Variants in MPHOSPH9 observed in about 807,000 individuals in gnomAD.
MPHOSPH9 encodes M-phase phosphoprotein 9.
MPHOSPH9 carries 88 observed loss-of-function variants against 145.5 expected under a neutral mutation model. The observed-to-expected ratio is 0.60, with a 90% CI of 0.51 to 0.72. MPHOSPH9 has a LOEUF of 0.72. Ranked by LOEUF, MPHOSPH9 falls within the 30% of genes least tolerant of loss-of-function variation. The pLI is 0.00. For missense variants in MPHOSPH9, 1,238 were observed against 1,386.6 expected, an observed-to-expected ratio of 0.89 and a Z score of 1.70; for synonymous variants, 435 against 486.2, an observed-to-expected ratio of 0.89 and a Z score of 1.39.
At chr12:123,239,692 G>A (rs1211244074) in intron 1 of MPHOSPH9, among the ~76,000 whole-genome samples, 1 of 152,122 alleles carries the variant, frequency 6.6e-6, no homozygotes, top group East Asian at 1.9e-4. Flanking sequence ...GTGAGCTACC[G>A]CGCCCAGCCC....
chr12:123,217,020 TAAAAG>T (rs1409485827), intron 6 of MPHOSPH9, among the ~76,000 whole-genome samples: 1 of 133,520 alleles, frequency 7.5e-6, no homozygotes, highest in African/African-American at 2.5e-5. Context: ...AATAAATAAA[TAAAAG>T]AAATGTTTAA....
rs374165187 is a variant in MPHOSPH9 at position 123,213,787 on chromosome 12, GAAC to G, written c.1087+954_1087+956del. Among the ~76,000 whole-genome samples, 960 of 152,308 alleles carry G rather than the reference GAAC, an allele frequency of 6.3e-3. 8 individuals carry two copies. The highest frequency in any genetic ancestry group is 0.022 in the African/African-American group (908 of 41,584). On this transcript the variant is annotated intron_variant, in intron 7 of 23. Coordinates refer to ENST00000606320, the MANE Select transcript of MPHOSPH9 (RefSeq NM_022782.4). ...CTGTGGGCCCCTGTAAGGACTCTGT[GAAC>G]AACAGGGTTTGGAGAGGAGGAGTCA...
intron 16 of MPHOSPH9, 52 bp from the exon 17 acceptor site, chr12:123,166,841 A>G: frequency 6.4e-7 from 1 of 1,571,062 alleles, no homozygotes; most frequent in Non-Finnish European, 8.6e-7. Flanking sequence ...TTCATTTCAG[A>G]CTGCATGTGC....
intron 15 of MPHOSPH9, 31 bp from the exon 16 acceptor site, chr12:123,176,820 T>C: frequency 1.3e-6 from 2 of 1,512,606 alleles, no homozygotes; most frequent in Non-Finnish European, 1.8e-6. Context: ...ATAAATTAAG[T>C]ACATTTCAAC....
At chr12:123,153,485 G>A (rs2137803409), downstream of MPHOSPH9, 1 of 152,274 alleles carries the variant, frequency 6.6e-6, no homozygotes, top group East Asian at 1.9e-4. Flanking sequence ...GCTACCTCAA[G>A]GCTGGGCGCA....
chr12:123,165,004 TCTCA>T lies in MPHOSPH9; in HGVS notation c.2767+294_2767+297del, dbSNP rs1166998522. On this transcript the variant is annotated intron_variant, in intron 18 of 23. Coordinates refer to ENST00000606320, the MANE Select transcript of MPHOSPH9 (RefSeq NM_022782.4). ...GCCTGGGCAAAAGAGTGAGACTCTG[TCTCA>T]CTGTCTCAAAAAAAAAAAAAAAAAA... Among the ~76,000 whole-genome samples the T allele has an allele frequency of 1.3e-4, 13 of 103,436 alleles. No individual in the cohort carries two copies. The East Asian group carries it at 3.1e-3, about 25-fold the overall frequency. The allele number at this position is 103,436 out of a possible 152,430, so 67.9% of individuals were successfully genotyped here. A position where few individuals can be genotyped will look rare whatever the true frequency, so the allele number is the denominator to read the frequency against.
At chr12:123,185,496 C>T (rs1204090157) in intron 13 of MPHOSPH9, among the ~76,000 whole-genome samples, 2 of 152,110 alleles carry the variant, frequency 1.3e-5, no homozygotes, top group Non-Finnish European at 2.9e-5. Context: ...GTAATCCCAG[C>T]ACTTTGGGAG....
In MPHOSPH9 at chr12:123,203,237, T is replaced by G. The variant is rs1487319340; in HGVS notation, c.1320+13A>C. The G allele has an allele frequency of 6.2e-7, 1 of 1,611,194 alleles. No individual in the cohort carries two copies. The highest frequency in any genetic ancestry group is 1.1e-5 in the South Asian group (1 of 90,276). On this transcript the variant is annotated intron_variant, in intron 9 of 23. Coordinates refer to ENST00000606320, the MANE Select transcript of MPHOSPH9 (RefSeq NM_022782.4). ...TTGTTCACGTTCACTCGGCAGAATG[T>G]GGACAACTTTACCTCTGGTGGATGA...
intron 7 of MPHOSPH9, 37 bp downstream of exon 7, chr12:123,214,707 G>T: frequency 6.7e-7 from 1 of 1,503,442 alleles, no homozygotes; most frequent in Non-Finnish European, 9.2e-7. Context: ...AGTGTATGTA[G>T]TTTAGGTTAA....
chr12:123,156,077 A>G lies in MPHOSPH9; in HGVS notation c.*730T>C, dbSNP rs943615102. On this transcript the variant is annotated 3_prime_UTR_variant, in exon 24 of 24. Coordinates refer to ENST00000606320, the MANE Select transcript of MPHOSPH9 (RefSeq NM_022782.4). ...CCATTTATTGTCCAGGGTGGGACAC[A>G]AGTTAATTCAGAACAATGGGCAGAG... The G allele has an allele frequency of 2.0e-5, 3 of 152,230 alleles. No homozygotes were observed. Among genetic ancestry groups the G allele is most frequent in the African/African-American group, 7.2e-5 (3 of 41,456 alleles). 9.4% of individuals were successfully genotyped at this position (152,230 alleles called of 1,614,324 possible). A position where few individuals can be genotyped will look rare whatever the true frequency, so the allele number is the denominator to read the frequency against.
Position 123,179,994 on chromosome 12 carries a change from T to C in MPHOSPH9, c.2290-4A>G, listed in dbSNP as rs1404073340. ...TCTCAGTTGTATTTAATGCATCCTA[T>C]GGAAATAAAGGAGAAATTCAGATAA... On this transcript the variant is annotated splice_polypyrimidine_tract_variant and splice_region_variant and intron_variant, in intron 14 of 23. Transcript: ENST00000606320. The C allele has an allele frequency of 1.4e-6, 2 of 1,391,020 alleles. No homozygotes were observed. The highest frequency in any genetic ancestry group is 1.5e-5 in the African/African-American group (1 of 68,902). 86.2% of individuals were successfully genotyped at this position (1,391,020 alleles called of 1,614,324 possible).
chr12:123,160,966 C>T (rs1310861779), intron 22 of MPHOSPH9, 117 bp from the exon 23 acceptor site: 2 of 1,340,394 alleles, frequency 1.5e-6, no homozygotes, highest in African/African-American at 1.5e-5. Context: ...AACTTAATTT[C>T]CCTCTGTCAA....
chr12:123,221,454 C>T lies in MPHOSPH9; in HGVS notation c.790G>A (p.Val264Ile). ...TCAAATTCACCAGGAGAAATGGATA[C>T]ATCTTCCTTTAAAGACACATGACAC... The part of the protein sequence containing the change: ...EECHVSLKED[V>I]SISPGEFEHN... The change falls in exon 5 of 24, where the codon GTA becomes ATA. Residue 264 changes from valine (V) to isoleucine (I), a missense_variant. By Grantham distance (29) the Val-to-Ile change is conservative (BLOSUM62 3). Coordinates refer to ENST00000606320, the MANE Select transcript of MPHOSPH9 (RefSeq NM_022782.4). 1.9e-6 allele frequency: 3 copies of T among 1,613,496 alleles called. No individual in the cohort carries two copies. The highest frequency in any genetic ancestry group is 1.7e-6 in the Non-Finnish European group (2 of 1,179,558).
In MPHOSPH9 at chr12:123,190,183, C is replaced by T. The variant is rs1237401222; in HGVS notation, c.2241+4203G>A. On this transcript the variant is annotated intron_variant, in intron 13 of 23. Coordinates refer to ENST00000606320, the MANE Select transcript of MPHOSPH9 (RefSeq NM_022782.4). ...TTTTTTTTTTTTTGAGATGGAGTCT[C>T]GCTCTGTCGCCCAGGCTGGAGTGCA... Among the ~76,000 whole-genome samples the T allele has an allele frequency of 1.1e-3, 158 of 148,810 alleles. 1 individual carries two copies. The highest frequency in any genetic ancestry group is 4.5e-4 in the African/African-American group (18 of 40,414).
At position 123,166,597 on chromosome 12, in the gene MPHOSPH9, T is replaced by G. The variant is rs553179607; in HGVS notation, c.2591+58A>C. The G allele has an allele frequency of 3.2e-6, 5 of 1,579,632 alleles. No homozygotes were observed. The East Asian group carries it at 6.7e-5, about 21-fold the overall frequency. ...GGCTTCCCAAACTTTTAAAAGCAATTGAAATCTCTAAGAAAACATAACATC... is the reference window on the plus strand; with the variant it reads ...GGCTTCCCAAACTTTTAAAAGCAATGGAAATCTCTAAGAAAACATAACATC... On this transcript the variant is annotated intron_variant, in intron 17 of 23. Transcript: ENST00000606320.
At chr12:123,218,307 C>T in intron 6 of MPHOSPH9, 69 bp downstream of exon 6, 1 of 1,575,192 alleles carries the variant, frequency 6.3e-7, no homozygotes, top group Non-Finnish European at 8.6e-7. Context: ...GAGTTTTGTT[C>T]ATGAGCGTGT....
At chr12:123,223,408 C>T (rs944193278) in intron 3 of MPHOSPH9, among the ~76,000 whole-genome samples, 63 of 152,160 alleles carry the variant, frequency 4.1e-4, no homozygotes, top group African/African-American at 1.5e-3. Context: ...TAACTGCCTG[C>T]GTAAAGCCTT....
In MPHOSPH9 at chr12:123,202,594, A is replaced by G; in HGVS notation, c.1781+30T>C. On this transcript the variant is annotated intron_variant, in intron 10 of 23. Transcript: ENST00000606320. ...ATCAGATATCACAGAAAATCTATTAACATTACAAGCCATTCACTGAAATAC... is the reference window on the plus strand; with the variant it reads ...ATCAGATATCACAGAAAATCTATTAGCATTACAAGCCATTCACTGAAATAC... 1.9e-6 allele frequency: 3 copies of G among 1,562,498 alleles called. No individual in the cohort carries two copies. The Middle Eastern group carries it at 5.1e-4, about 265-fold the overall frequency.
At chr12:123,228,067 TTATCTCTGCAC>T (rs1178137643) in intron 2 of MPHOSPH9, among the ~76,000 whole-genome samples, 1 of 152,212 alleles carries the variant, frequency 6.6e-6, no homozygotes, top group East Asian at 1.9e-4. Flanking sequence ...AAGCTGATGC[TTATCTCTGCAC>T]TATCTCTGCA....
Sources: gnomAD v4.1 joint callset for allele counts (sites outside exome capture counted in the v4.1 genomes callset) on GRCh38, gnomAD v4.1.1 for gene constraint, MANE v1.5 for transcripts, NCBI Gene and HGNC (gene_info 2026-07-23, HGNC 2026-07-21) for gene names.